The following IMMP2L variants were observed in gnomAD, a reference collection of about 807,000 sequenced individuals.
The protein encoded by IMMP2L is mitochondrial inner membrane protease subunit 2.
Under a neutral mutation model 19.3 loss-of-function variants are expected in IMMP2L, and 18 were observed. The ratio of observed to expected loss-of-function variants is 0.93; its 90% CI spans 0.64 to 1.38. The LOEUF (loss-of-function observed/expected upper bound fraction) is 1.38. IMMP2L is among the 40% of genes most tolerant of loss of function. The pLI is 0.00. For missense variants in IMMP2L, 233 were observed against 218.2 expected, an observed-to-expected ratio of 1.07 and a Z score of -0.43; for synonymous variants, 76 against 73.0, an observed-to-expected ratio of 1.04 and a Z score of -0.21.
chr7:111,125,677 A>C, intron 3 of IMMP2L, among the ~76,000 whole-genome samples: 1 of 152,176 alleles, frequency 6.6e-6, no homozygotes, highest in East Asian at 1.9e-4. Flanking sequence ...CTAGGAAATT[A>C]TGTATTCACT....
intron 5 of IMMP2L, among the ~76,000 whole-genome samples, chr7:110,733,623 G>A (rs758420950): frequency 1.3e-5 from 2 of 152,036 alleles, no homozygotes; most frequent in Non-Finnish European, 2.9e-5. Context: ...TGTGTGCTGT[G>A]GTTTGTATGT....
intron 3 of IMMP2L, among the ~76,000 whole-genome samples, chr7:111,343,746 T>C (rs1422419554): frequency 1.3e-5 from 2 of 152,116 alleles, no homozygotes; most frequent in Admixed American, 6.6e-5. Context: ...CACAGAGAAT[T>C]TGATGGTCTA....
chr7:111,204,837 C>G (rs1810527940), intron 3 of IMMP2L, among the ~76,000 whole-genome samples: 2 of 152,136 alleles, frequency 1.3e-5, no homozygotes, highest in African/African-American at 4.8e-5. Flanking sequence ...TTGATGTAGT[C>G]ATTACTTAAA....
intron 1 of IMMP2L, among the ~76,000 whole-genome samples, chr7:111,551,495 G>GGTGTGTGTGTGT (rs60697579): frequency 2.8e-5 from 4 of 145,248 alleles, no homozygotes; most frequent in Non-Finnish European, 6.1e-5. Flanking sequence ...GACTGTTAGA[G>GGTGTGTGTGTGT]GTGTGTGTGT....
At chr7:110,897,184 T>C (rs1264956910) in intron 4 of IMMP2L, among the ~76,000 whole-genome samples, 2 of 152,094 alleles carry the variant, frequency 1.3e-5, no homozygotes, top group Non-Finnish European at 2.9e-5. Context: ...ACCTCAGTAT[T>C]TTGAAATTAA....
At chr7:110,703,192 T>A (rs1166132427) in intron 5 of IMMP2L, among the ~76,000 whole-genome samples, 1 of 152,174 alleles carries the variant, frequency 6.6e-6, no homozygotes, top group Non-Finnish European at 1.5e-5. Context: ...TCAGTTGAAA[T>A]TATCTTATGG....
At chr7:111,368,795 T>G (rs1165622760) in intron 3 of IMMP2L, among the ~76,000 whole-genome samples, 1 of 151,988 alleles carries the variant, frequency 6.6e-6, no homozygotes, top group Non-Finnish European at 1.5e-5. Flanking sequence ...TGGGTGACTT[T>G]TATTCTTTTC....
At chr7:111,498,856 C>T (rs1359667610) in intron 2 of IMMP2L, among the ~76,000 whole-genome samples, 1 of 151,930 alleles carries the variant, frequency 6.6e-6, no homozygotes, top group Non-Finnish European at 1.5e-5. Flanking sequence ...TACCTGGGTA[C>T]CCTAAATTAC....
intron 3 of IMMP2L, among the ~76,000 whole-genome samples, chr7:111,338,187 G>A (rs972204784): frequency 6.6e-6 from 1 of 152,164 alleles, no homozygotes; most frequent in Non-Finnish European, 1.5e-5. Context: ...GATGATAACT[G>A]TAGGGCAAAG....
chr7:111,428,033 G>T (rs993608579), intron 3 of IMMP2L, among the ~76,000 whole-genome samples: 7 of 151,804 alleles, frequency 4.6e-5, no homozygotes, highest in African/African-American at 1.5e-4. Context: ...CCTGGTACAA[G>T]TGTAGTCTGT....
intron 3 of IMMP2L, among the ~76,000 whole-genome samples, chr7:111,299,318 G>A (rs560443518): frequency 2.0e-5 from 3 of 152,110 alleles, no homozygotes; most frequent in East Asian, 1.9e-4. Flanking sequence ...ACATAGAACC[G>A]GCCAGAATAC....
At chr7:110,907,217 T>C (rs2129547915) in intron 4 of IMMP2L, among the ~76,000 whole-genome samples, 1 of 152,170 alleles carries the variant, frequency 6.6e-6, no homozygotes, top group South Asian at 2.1e-4. Context: ...GGCACCCAAG[T>C]TTTTGCCCAA....
At chr7:111,535,168 G>C (rs1287970187) in intron 1 of IMMP2L, among the ~76,000 whole-genome samples, 1 of 151,946 alleles carries the variant, frequency 6.6e-6, no homozygotes, top group African/African-American at 2.4e-5. Flanking sequence ...GTTTAATTTT[G>C]CAGAATTAAA....
chr7:111,001,675 T>G (rs1366641307), intron 3 of IMMP2L, among the ~76,000 whole-genome samples: 1 of 152,188 alleles, frequency 6.6e-6, no homozygotes, highest in Non-Finnish European at 1.5e-5. Context: ...AAAACATGAT[T>G]AATATGATAT....
At chr7:110,847,082 T>A (rs1805739432) in intron 5 of IMMP2L, among the ~76,000 whole-genome samples, 1 of 152,212 alleles carries the variant, frequency 6.6e-6, no homozygotes, top group African/African-American at 2.4e-5. Flanking sequence ...AAATATTACA[T>A]TTGTGTATCT....
chr7:111,526,461 A>AT (rs1481554499), intron 1 of IMMP2L, among the ~76,000 whole-genome samples: 1 of 152,146 alleles, frequency 6.6e-6, no homozygotes, highest in African/African-American at 2.4e-5. Context: ...TCTTCTTTGA[A>AT]TTTTTGCTGG....
At chr7:111,010,941 A>C (rs1427359487) in intron 3 of IMMP2L, among the ~76,000 whole-genome samples, 1 of 109,978 alleles carries the variant, frequency 9.1e-6, no homozygotes, top group South Asian at 2.5e-4. Flanking sequence ...AGAGCTGGAC[A>C]AAAAAAAAAA....
chr7:110,939,211 A>C (rs969582237), intron 4 of IMMP2L, among the ~76,000 whole-genome samples: 7 of 152,052 alleles, frequency 4.6e-5, no homozygotes, highest in Non-Finnish European at 8.8e-5. Flanking sequence ...CTGAAATGGG[A>C]CCAAGACTTT....
At chr7:111,231,847 G>A (rs112677328) in intron 3 of IMMP2L, among the ~76,000 whole-genome samples, 4,063 of 151,916 alleles carry the variant, frequency 0.027, 192 homozygotes, top group African/African-American at 0.092. Context: ...GATTTTCTCA[G>A]GGAATATCAT....
Sources: gnomAD v4.1 joint callset for allele counts (sites outside exome capture counted in the v4.1 genomes callset) on GRCh38, gnomAD v4.1.1 for gene constraint, MANE v1.5 for transcripts, NCBI Gene and HGNC (gene_info 2026-07-23, HGNC 2026-07-21) for gene names.